PAG1: variants seen among roughly 807,000 people sequenced by gnomAD.
PAG1 encodes phosphoprotein associated with glycosphingolipid-enriched microdomains 1.
A neutral mutation model predicts 31.7 loss-of-function variants in PAG1; 23 were observed. The ratio of observed to expected loss-of-function variants is 0.73; its 90% confidence interval spans 0.52 to 1.03. PAG1 has a LOEUF of 1.03. Ranked by LOEUF, PAG1 falls within the 50% of genes least tolerant of loss-of-function variation. The pLI is 0.00. For synonymous variants in PAG1, 214 were observed against 210.3 expected (o/e 1.02, Z -0.15); for missense variants, 473 against 540.7 (o/e 0.87, Z 1.24).
intron 1 of PAG1, among the ~76,000 whole-genome samples, chr8:81,091,453 A>G (rs1809444857): frequency 6.6e-6 from 1 of 152,202 alleles, no homozygotes; most frequent in African/African-American, 2.4e-5. Context: ...CGAACATCAT[A>G]CAATGTACTT....
rs554932519 is a variant in PAG1, at chr8:80,974,152, G to GTTTTTTTTTTTTTTTTTTTTTTTTTT, written c.*2391_*2392insAAAAAAAAAAAAAAAAAAAAAAAAAA. The GTTTTTTTTTTTTTTTTTTTTTTTTTT allele has an allele frequency of 8.7e-6, 1 of 115,378 alleles. No homozygotes were observed. Among genetic ancestry groups the GTTTTTTTTTTTTTTTTTTTTTTTTTT allele is most frequent in the Non-Finnish European group, 1.7e-5 (1 of 57,806 alleles). 7.1% of individuals were successfully genotyped at this position (115,378 alleles called of 1,614,324 possible). ...ATTATTTATGAGCTTTCTATAAAAA[G>GTTTTTTTTTTTTTTTTTTTTTTTTTT]TTTTTTTTTTTTTTTTTTTTTTACT... is the stretch of plus-strand genomic sequence containing the variant. On this transcript the variant is annotated 3_prime_UTR_variant, in exon 9 of 9. Coordinates refer to ENST00000220597, the MANE Select transcript of PAG1 (RefSeq NM_018440.4).
In PAG1 at chr8:80,976,864, C is replaced by T. The variant is rs773413444; in HGVS notation, c.979G>A (p.Val327Met). ...YSSVNKPGQL[V>M]NKSGQSLTVP... ...GTAAGCGACTGCCCCGATTTATTCA[C>T]TAACTGTCCAGGTTTATTTACTGAT... Residue 327 changes from valine to methionine, a missense_variant, in exon 9 of 9, where the codon GTG becomes ATG. By Grantham distance (21) the Val-to-Met change is conservative. Coordinates refer to ENST00000220597, the MANE Select transcript of PAG1 (RefSeq NM_018440.4). The T allele has an allele frequency of 3.7e-6, 6 of 1,613,468 alleles. No individual in the cohort carries two copies. The highest frequency in any genetic ancestry group is 3.3e-5 in the Admixed American group (2 of 59,986).
rs71918703 is a variant in PAG1, at chr8:81,029,345, G to GTC, written c.-81+649_-81+650dup. Reference sequence around the variant, plus strand: ...TATCATGCTGACAGATCCTTCTTTGGTCTCTCTCTCTCTCTCTCTCACACA... The same window carrying GTC: ...TATCATGCTGACAGATCCTTCTTTGGTCTCTCTCTCTCTCTCTCTCTCACACA... On this transcript the variant is annotated intron_variant, in intron 3 of 8. Coordinates refer to ENST00000220597, the MANE Select transcript of PAG1 (RefSeq NM_018440.4). Among the ~76,000 whole-genome samples, 932 of 149,346 alleles carry GTC rather than the reference G, an allele frequency of 6.2e-3. 5 individuals carry two copies. Among genetic ancestry groups the GTC allele is most frequent in the East Asian group, 8.3e-3 (42 of 5,080 alleles).
chr8:81,047,990 C>T (rs1168742713), intron 2 of PAG1, among the ~76,000 whole-genome samples: 1 of 152,188 alleles, frequency 6.6e-6, no homozygotes, highest in Non-Finnish European at 1.5e-5. Flanking sequence ...TACTCAAATG[C>T]ACCATTTCCG....
intron 1 of PAG1, among the ~76,000 whole-genome samples, chr8:81,076,579 C>G (rs943169754): frequency 2.0e-5 from 3 of 152,136 alleles, no homozygotes; most frequent in Non-Finnish European, 4.4e-5. Context: ...AAAGTAGCCT[C>G]AGAAACTGAC....
intron 2 of PAG1, among the ~76,000 whole-genome samples, chr8:81,047,557 A>G (rs1323225913): frequency 6.6e-6 from 1 of 152,220 alleles, no homozygotes; most frequent in Non-Finnish European, 1.5e-5. Flanking sequence ...AGAAGCCTTT[A>G]AAATCAAAAG....
At chr8:80,991,654 T>C (rs1807550733) in intron 4 of PAG1, 124 bp from the exon 5 acceptor site, 5 of 752,548 alleles carry the variant, frequency 6.6e-6, no homozygotes, top group Non-Finnish European at 9.4e-6. Flanking sequence ...CATGTTTATT[T>C]TGTCAACAAA....
intron 1 of PAG1, among the ~76,000 whole-genome samples, chr8:81,104,077 C>G (rs1377965009): frequency 6.7e-6 from 1 of 148,236 alleles, no homozygotes; most frequent in African/African-American, 2.5e-5. Flanking sequence ...TTTCTTCCCC[C>G]CATCCCCTTT....
At chr8:81,106,130 T>C (rs1809689013) in intron 1 of PAG1, among the ~76,000 whole-genome samples, 2 of 152,054 alleles carry the variant, frequency 1.3e-5, no homozygotes, top group African/African-American at 2.4e-5. Context: ...ACTTCAACCT[T>C]TGCCTCCCGG....
At chr8:81,060,165 TAG>T (rs1808894878) in intron 2 of PAG1, among the ~76,000 whole-genome samples, 1 of 152,200 alleles carries the variant, frequency 6.6e-6, no homozygotes, top group Non-Finnish European at 1.5e-5. Flanking sequence ...TTTTGTCCAT[TAG>T]TAAGAAGGCA....
intron 1 of PAG1, among the ~76,000 whole-genome samples, chr8:81,099,141 A>G (rs972582569): frequency 9.2e-5 from 14 of 152,250 alleles, no homozygotes; most frequent in Admixed American, 2.6e-4. Context: ...ACATTAATAT[A>G]CAATGAATAC....
chr8:81,108,324 A>T (rs926014766), intron 1 of PAG1, among the ~76,000 whole-genome samples: 7 of 152,248 alleles, frequency 4.6e-5, no homozygotes, highest in African/African-American at 1.2e-4. Flanking sequence ...GAGATGTGAG[A>T]TGACTCAGTC....
chr8:80,984,398 G>C (rs187129105), intron 7 of PAG1, among the ~76,000 whole-genome samples: 58 of 152,174 alleles, frequency 3.8e-4, no homozygotes, highest in Middle Eastern at 6.8e-3. Flanking sequence ...TGGGGATCCT[G>C]GAAGGGGAAA....
chr8:81,061,137 C>T (rs777643911), intron 2 of PAG1, among the ~76,000 whole-genome samples: 1 of 152,178 alleles, frequency 6.6e-6, no homozygotes, highest in Non-Finnish European at 1.5e-5. Flanking sequence ...GGCTACTGGG[C>T]TGGAAGTCGG....
rs1394753152 is a variant in PAG1 at position 80,970,467 on chromosome 8, C to G, written c.*6077G>C. ...TCTTCCCCTTCACAACACTCAGCTTCCTTTTTCTTTCCTGGTAACTATGGG... is the reference window on the plus strand; with the variant it reads ...TCTTCCCCTTCACAACACTCAGCTTGCTTTTTCTTTCCTGGTAACTATGGG... On this transcript the variant is annotated 3_prime_UTR_variant, in exon 9 of 9. Transcript: ENST00000220597. 6.5e-6 allele frequency: 1 copy of G among 152,798 alleles called. No individual in the cohort carries two copies. The highest frequency in any genetic ancestry group is 3.4e-3 in the Middle Eastern group (1 of 296). 9.5% of individuals were successfully genotyped at this position (152,798 alleles called of 1,614,324 possible).
At chr8:80,994,089 C>T (rs1015643632) in intron 3 of PAG1, among the ~76,000 whole-genome samples, 2 of 151,734 alleles carry the variant, frequency 1.3e-5, no homozygotes, top group Admixed American at 1.3e-4. Context: ...TAACCCACTG[C>T]CATCTCTAAT....
intron 8 of PAG1, among the ~76,000 whole-genome samples, chr8:80,977,243 G>A (rs796179288): frequency 1.3e-5 from 2 of 152,266 alleles, no homozygotes; most frequent in African/African-American, 4.8e-5. Flanking sequence ...TTCTTTATCA[G>A]AATGATATTT....
chr8:80,977,043 C>G (rs1807200452), intron 8 of PAG1, 137 bp from the exon 9 acceptor site: 2 of 727,578 alleles, frequency 2.7e-6, no homozygotes. Flanking sequence ...CTTATCTGTA[C>G]TAATTATGGA....
In PAG1 at chr8:80,972,401, T is replaced by C. The variant is rs564310979; in HGVS notation, c.*4143A>G. On this transcript the variant is annotated 3_prime_UTR_variant, in exon 9 of 9. Coordinates refer to ENST00000220597, the MANE Select transcript of PAG1 (RefSeq NM_018440.4). ...AACTAAAGCTCTGTAATTATAGCCA[T>C]GGTATCAGACCAGCTTTTTCGCACA... is the stretch of plus-strand genomic sequence containing the variant. 1.3e-5 allele frequency: 2 copies of C among 152,378 alleles called. No individual in the cohort carries two copies. The highest frequency in any genetic ancestry group is 4.1e-4 in the South Asian group (2 of 4,832). 9.4% of individuals were successfully genotyped at this position (152,378 alleles called of 1,614,324 possible). A position where few individuals can be genotyped will look rare whatever the true frequency, so the allele number is the denominator to read the frequency against.
Sources: gnomAD v4.1 joint callset for allele counts (sites outside exome capture counted in the v4.1 genomes callset) on GRCh38, gnomAD v4.1.1 for gene constraint, MANE v1.5 for transcripts, NCBI Gene and HGNC (gene_info 2026-07-23, HGNC 2026-07-21) for gene names.